Variants in RAB3C observed in about 807,000 individuals in gnomAD.
RAB3C encodes the protein ras-related protein Rab-3C.
Under a neutral mutation model 26.4 loss-of-function variants are expected in RAB3C, and 17 were observed. The observed-to-expected ratio is 0.64, with a 90% CI of 0.44 to 0.97. The LOEUF is 0.97. Ranked by LOEUF, RAB3C falls within the 50% of genes least tolerant of loss-of-function variation. The pLI is 0.00. For synonymous variants in RAB3C, 91 were observed against 95.9 expected, an observed-to-expected ratio of 0.95 and a Z score of 0.30; for missense variants, 242 against 281.9, an observed-to-expected ratio of 0.86 and a Z score of 1.01.
At chr5:58,684,367 A>G (rs1417564940) in intron 2 of RAB3C, among the ~76,000 whole-genome samples, 1 of 152,154 alleles carries the variant, frequency 6.6e-6, no homozygotes, top group East Asian at 1.9e-4. Context: ...TAATTTTGGA[A>G]CAGGACCTGG....
intron 3 of RAB3C, among the ~76,000 whole-genome samples, chr5:58,775,348 G>A (rs1254807715): frequency 2.6e-5 from 4 of 152,070 alleles, no homozygotes; most frequent in South Asian, 2.1e-4. Context: ...CAGGGCCAAA[G>A]CAAGCCCAAC....
chr5:58,584,688 G>A (rs1020031366), intron 1 of RAB3C, among the ~76,000 whole-genome samples: 1 of 152,052 alleles, frequency 6.6e-6, no homozygotes, highest in African/African-American at 2.4e-5. Flanking sequence ...ATTAAAACAT[G>A]TACATCTTAA....
chr5:58,677,976 T>TGTGTGTGTGTG (rs1748261340), intron 2 of RAB3C, among the ~76,000 whole-genome samples: 3 of 147,782 alleles, frequency 2.0e-5, no homozygotes, highest in African/African-American at 7.5e-5. Context: ...CTAGATTATT[T>TGTGTGTGTGTG]TGTGTGTGTG....
At chr5:58,681,333 T>A (rs1331433148) in intron 2 of RAB3C, among the ~76,000 whole-genome samples, 1 of 152,202 alleles carries the variant, frequency 6.6e-6, no homozygotes, top group Non-Finnish European at 1.5e-5. Context: ...AATGTGAAGA[T>A]CTGCCTTATC....
chr5:58,612,283 T>A (rs960175280), intron 1 of RAB3C, among the ~76,000 whole-genome samples: 1 of 151,868 alleles, frequency 6.6e-6, no homozygotes, highest in Non-Finnish European at 1.5e-5. Flanking sequence ...TCATTGGTAG[T>A]TAAATAGGAA....
chr5:58,824,523 T>C (rs2675388), intron 3 of RAB3C, among the ~76,000 whole-genome samples: 92,783 of 151,996 alleles, frequency 0.61, 28,620 homozygotes, highest in Middle Eastern at 0.74. Context: ...AAAAAATTAT[T>C]ACTTCTCCCA....
At chr5:58,733,877 C>T (rs77045843) in intron 3 of RAB3C, among the ~76,000 whole-genome samples, 3,183 of 152,258 alleles carry the variant, frequency 0.021, 114 homozygotes, top group African/African-American at 0.072. Context: ...TTCTCCATCC[C>T]CGATTTTAAC....
rs143758417 is a variant in RAB3C, at chr5:58,729,036, C to T, written c.371+2916C>T. ...TTAAAAGATTAAAAGATATCTCTAC[C>T]CCTTTTCCTACCTGCTCCCACCTTT... On this transcript the variant is annotated intron_variant, in intron 3 of 4. Coordinates refer to ENST00000282878, the MANE Select transcript of RAB3C (RefSeq NM_138453.4). 1.1e-4 allele frequency among the ~76,000 whole-genome samples: 17 copies of T among 152,054 alleles called. No homozygotes were observed. In the East Asian group the frequency reaches 3.1e-3, roughly 28 times the overall value.
intron 3 of RAB3C, among the ~76,000 whole-genome samples, chr5:58,762,463 C>T (rs1184195047): frequency 6.6e-6 from 1 of 152,144 alleles, no homozygotes; most frequent in East Asian, 1.9e-4. Context: ...GAGGCCGAGG[C>T]AAGTGGATCA....
intron 2 of RAB3C, among the ~76,000 whole-genome samples, chr5:58,708,707 C>T (rs1749001109): frequency 6.6e-6 from 1 of 152,166 alleles, no homozygotes. Context: ...TACTAATTCC[C>T]TTTCAGGTTT....
At chr5:58,767,609 C>T (rs1741934615) in intron 3 of RAB3C, among the ~76,000 whole-genome samples, 1 of 152,094 alleles carries the variant, frequency 6.6e-6, no homozygotes, top group Non-Finnish European at 1.5e-5. Flanking sequence ...AAAGATTCAC[C>T]TCATTTTACA....
In RAB3C at chr5:58,612,518, GTGTATATATATA is replaced by G. The variant is rs1160474461; in HGVS notation, c.25-5123_25-5112del. On this transcript the variant is annotated intron_variant, in intron 1 of 4. Transcript: ENST00000282878. ...TGTGTGTGTGTGTGTGTGTGTGTGT[GTGTATATATATA>G]TATATATATATATATATGTATATAT... 7.1e-3 allele frequency among the ~76,000 whole-genome samples: 287 copies of G among 40,558 alleles called. 2 individuals are homozygous for G. Among genetic ancestry groups the G allele is most frequent in the South Asian group, 0.045 (43 of 956 alleles). 26.6% of individuals were successfully genotyped at this position (40,558 alleles called of 152,430 possible).
chr5:58,689,053 C>G (rs1417280486), intron 2 of RAB3C, among the ~76,000 whole-genome samples: 1 of 152,024 alleles, frequency 6.6e-6, no homozygotes, highest in African/African-American at 2.4e-5. Flanking sequence ...CCCACAGAAG[C>G]TCTATGAAGT....
At chr5:58,745,590 C>T (rs1374734020) in intron 3 of RAB3C, among the ~76,000 whole-genome samples, 1 of 152,030 alleles carries the variant, frequency 6.6e-6, no homozygotes, top group Non-Finnish European at 1.5e-5. Context: ...CCCTAAAGCT[C>T]ACCTCAGACA....
chr5:58,771,757 T>C (rs139911879), intron 3 of RAB3C, among the ~76,000 whole-genome samples: 4 of 152,174 alleles, frequency 2.6e-5, no homozygotes, highest in Non-Finnish European at 5.9e-5. Context: ...TGTCTCAAGT[T>C]CAAAATTTTT....
Position 58,851,377 on chromosome 5 carries a change from A to AG in RAB3C, c.*31dup. On this transcript the variant is annotated 3_prime_UTR_variant, in exon 5 of 5. Transcript: ENST00000282878. ...TGTCCCCGTGCACACAGGCAGCTCC[A>AG]GGGGGCTCTGGTTGCCAACAAACAG... 6.5e-7 allele frequency: 1 copy of AG among 1,546,616 alleles called. No individual in the cohort carries two copies. Among genetic ancestry groups the AG allele is most frequent in the Non-Finnish European group, 8.7e-7 (1 of 1,150,220 alleles).
chr5:58,789,933 T>C (rs1473368921), intron 3 of RAB3C, among the ~76,000 whole-genome samples: 1 of 152,204 alleles, frequency 6.6e-6, no homozygotes, highest in African/African-American at 2.4e-5. Flanking sequence ...AAAAAATAGT[T>C]ACGTCTAATC....
chr5:58,814,427 C>T (rs1047636126), intron 3 of RAB3C, among the ~76,000 whole-genome samples: 1 of 152,140 alleles, frequency 6.6e-6, no homozygotes, highest in Admixed American at 6.6e-5. Context: ...GTTCTGGTAC[C>T]TAAGTGAGGG....
At chr5:58,793,049 C>A (rs1489719694) in intron 3 of RAB3C, among the ~76,000 whole-genome samples, 2 of 151,990 alleles carry the variant, frequency 1.3e-5, no homozygotes, top group South Asian at 2.1e-4. Flanking sequence ...ATTCTTATTG[C>A]TTGTACCTGA....
Sources: gnomAD v4.1 joint callset for allele counts (sites outside exome capture counted in the v4.1 genomes callset) on GRCh38, gnomAD v4.1.1 for gene constraint, MANE v1.5 for transcripts, NCBI Gene and HGNC (gene_info 2026-07-23, HGNC 2026-07-21) for gene names.